Variants in HS2ST1 observed in about 807,000 individuals in gnomAD.
HS2ST1 encodes heparan sulfate 2-O-sulfotransferase 1.
Under a neutral mutation model 42.9 loss-of-function variants are expected in HS2ST1, and 18 were observed. The observed-to-expected ratio is 0.42, with a 90% confidence interval of 0.29 to 0.62. The LOEUF is 0.62. Ranked by LOEUF, HS2ST1 falls within the 20% of genes least tolerant of loss-of-function variation. HS2ST1 has a pLI of 0.21. For synonymous variants in HS2ST1, 146 were observed against 152.9 expected (o/e 0.95, Z 0.33); for missense variants, 334 against 433.8 (o/e 0.77, Z 2.04).
chr1:87,035,588 T>C (rs1486421158), intron 1 of HS2ST1, among the ~76,000 whole-genome samples: 1 of 152,224 alleles, frequency 6.6e-6, no homozygotes, highest in Non-Finnish European at 1.5e-5. Context: ...ATAATATTTG[T>C]CAATTTCTTA....
intron 1 of HS2ST1, among the ~76,000 whole-genome samples, chr1:86,985,545 CATATAT>C (rs200263723): frequency 1.6e-3 from 116 of 71,066 alleles, no homozygotes; most frequent in Admixed American, 3.8e-3. Flanking sequence ...TATATACACA[CATATAT>C]ATACACACAC....
At chr1:86,957,628 T>G (rs1647710278) in intron 1 of HS2ST1, among the ~76,000 whole-genome samples, 1 of 152,172 alleles carries the variant, frequency 6.6e-6, no homozygotes, top group African/African-American at 2.4e-5. Flanking sequence ...CTTTTATTTA[T>G]TCATAGCTAC....
chr1:86,986,375 A>G lies in HS2ST1; in HGVS notation c.124+71215A>G, dbSNP rs147476015. 6.8e-3 allele frequency among the ~76,000 whole-genome samples: 1,028 copies of G among 152,258 alleles called. 6 individuals carry two copies. Among genetic ancestry groups the G allele is most frequent in the Non-Finnish European group, 0.011 (769 of 68,008 alleles). The stretch of plus-strand genomic sequence containing the variant: ...TATCTTATTGCTTGAAAATTGTTCT[A>G]TCGAAACGTGCTATTAACCAGCCAG... On this transcript the variant is annotated intron_variant, in intron 1 of 6. Coordinates refer to ENST00000370550, the MANE Select transcript of HS2ST1 (RefSeq NM_012262.4).
At position 87,072,976 on chromosome 1, in the gene HS2ST1, G is replaced by A. The variant is rs767275935; in HGVS notation, c.167G>A (p.Arg56Gln). 5.0e-6 allele frequency: 8 copies of A among 1,613,868 alleles called. No homozygotes were observed. The highest frequency in any genetic ancestry group is 2.2e-5 in the East Asian group (1 of 44,842). Residue 56 changes from arginine (R) to glutamine (Q), a missense_variant, in exon 2 of 7, where the codon CGA (arginine) becomes CAA (glutamine). By Grantham distance (43) the Arg-to-Gln change is conservative. Coordinates refer to ENST00000370550, the MANE Select transcript of HS2ST1 (RefSeq NM_012262.4). ...ARHEVREIEQ[R>Q]HTMDGPRQDA... ...CACGAAGTCCGAGAAATTGAGCAGC[G>A]ACATACAATGGATGGCCCTCGGCAA...
At chr1:87,007,724 G>A (rs1476278106) in intron 1 of HS2ST1, among the ~76,000 whole-genome samples, 1 of 152,028 alleles carries the variant, frequency 6.6e-6, no homozygotes, top group Non-Finnish European at 1.5e-5. Flanking sequence ...GTGTGACATA[G>A]TTTATCATTT....
At chr1:86,935,265 G>A (rs193234237) in intron 1 of HS2ST1, among the ~76,000 whole-genome samples, 4 of 150,776 alleles carry the variant, frequency 2.7e-5, no homozygotes, top group African/African-American at 4.9e-5. Flanking sequence ...CCTATTTATT[G>A]TTGCATATGA....
intron 1 of HS2ST1, among the ~76,000 whole-genome samples, chr1:87,036,497 A>G (rs1160758482): frequency 6.6e-6 from 1 of 152,142 alleles, no homozygotes; most frequent in Non-Finnish European, 1.5e-5. Flanking sequence ...TTTGACAGCA[A>G]TTGGAGGGAG....
At chr1:87,006,646 A>T (rs1473411798) in intron 1 of HS2ST1, among the ~76,000 whole-genome samples, 1 of 152,140 alleles carries the variant, frequency 6.6e-6, no homozygotes, top group Non-Finnish European at 1.5e-5. Context: ...TTGATCCATT[A>T]TACATGAAAT....
chr1:87,069,988 A>T (rs558929720), intron 1 of HS2ST1, among the ~76,000 whole-genome samples: 13 of 152,214 alleles, frequency 8.5e-5, no homozygotes, highest in Admixed American at 7.9e-4. Flanking sequence ...TAACACAAAA[A>T]ATCTTTTTTT....
intron 1 of HS2ST1, among the ~76,000 whole-genome samples, chr1:87,039,709 C>G (rs1411695536): frequency 1.3e-5 from 2 of 152,156 alleles, no homozygotes; most frequent in African/African-American, 4.8e-5. Context: ...CTCTGTGGCA[C>G]TGGCTATGGT....
intron 1 of HS2ST1, among the ~76,000 whole-genome samples, chr1:87,012,352 C>G (rs142885511): frequency 6.6e-6 from 1 of 152,204 alleles, no homozygotes; most frequent in African/African-American, 2.4e-5. Flanking sequence ...AAGCAAGACA[C>G]GTCTTACATG....
At chr1:86,937,010 C>G (rs899590008) in intron 1 of HS2ST1, among the ~76,000 whole-genome samples, 7 of 150,928 alleles carry the variant, frequency 4.6e-5, no homozygotes, top group Non-Finnish European at 1.0e-4. Context: ...TAGGCTGAGG[C>G]AGGACAATCG....
Position 87,107,759 on chromosome 1 carries a change from T to G in HS2ST1, c.*3063T>G, listed in dbSNP as rs1230507787. 2.0e-5 allele frequency: 3 copies of G among 151,984 alleles called. No individual in the cohort carries two copies. The highest frequency in any genetic ancestry group is 4.1e-4 in the South Asian group (2 of 4,834). 9.4% of individuals were successfully genotyped at this position (151,984 alleles called of 1,614,324 possible). A position where few individuals can be genotyped will look rare whatever the true frequency, so the allele number is the denominator to read the frequency against. On this transcript the variant is annotated 3_prime_UTR_variant, in exon 7 of 7. Coordinates refer to ENST00000370550, the MANE Select transcript of HS2ST1 (RefSeq NM_012262.4). Reference sequence around the variant, plus strand: ...GCAACTGTTGATAAATTATTGTGATTGTTTTAAAATCTAATGGGAAGTAAA... The same window carrying G: ...GCAACTGTTGATAAATTATTGTGATGGTTTTAAAATCTAATGGGAAGTAAA...
intron 1 of HS2ST1, among the ~76,000 whole-genome samples, chr1:86,941,939 G>A (rs1000048937): frequency 3.3e-5 from 5 of 152,154 alleles, no homozygotes; most frequent in African/African-American, 1.2e-4. Flanking sequence ...ATCAAAATGA[G>A]TGAAATTTAG....
intron 1 of HS2ST1, among the ~76,000 whole-genome samples, chr1:87,049,146 C>T (rs1570512185): frequency 6.6e-6 from 1 of 151,768 alleles, no homozygotes; most frequent in African/African-American, 2.4e-5. Context: ...CTGTGAGCTT[C>T]GTTAATTTTT....
At chr1:86,950,796 A>G (rs1474575506) in intron 1 of HS2ST1, among the ~76,000 whole-genome samples, 3 of 152,138 alleles carry the variant, frequency 2.0e-5, no homozygotes, top group Non-Finnish European at 4.4e-5. Context: ...ACTTCATTGT[A>G]TTTTTTTACG....
intron 1 of HS2ST1, among the ~76,000 whole-genome samples, chr1:87,026,857 A>G (rs1254972561): frequency 6.6e-6 from 1 of 152,072 alleles, no homozygotes; most frequent in African/African-American, 2.4e-5. Flanking sequence ...AGAAAAAAAA[A>G]CTTGATTAAA....
intron 1 of HS2ST1, among the ~76,000 whole-genome samples, chr1:87,001,656 G>A (rs1222370994): frequency 1.3e-5 from 2 of 152,070 alleles, no homozygotes; most frequent in Non-Finnish European, 2.9e-5. Flanking sequence ...TCTTTTTGCC[G>A]AGTCGGGAGT....
At chr1:87,004,363 C>T (rs918917845) in intron 1 of HS2ST1, among the ~76,000 whole-genome samples, 1 of 152,096 alleles carries the variant, frequency 6.6e-6, no homozygotes, top group African/African-American at 2.4e-5. Context: ...TGTGCTCCAG[C>T]CTGGGCGATG....
Sources: gnomAD v4.1 joint callset for allele counts (sites outside exome capture counted in the v4.1 genomes callset) on GRCh38, gnomAD v4.1.1 for gene constraint, MANE v1.5 for transcripts, NCBI Gene and HGNC (gene_info 2026-07-23, HGNC 2026-07-21) for gene names.